The following HS6ST3 variants were observed in gnomAD, a reference collection of about 807,000 sequenced individuals.
HS6ST3 encodes the protein heparan-sulfate 6-O-sulfotransferase 3.
In HS6ST3, 12 loss-of-function variants were observed where a neutral mutation model predicts 36.7. That is an observed-to-expected ratio of 0.33 (90% CI 0.21 to 0.53). The LOEUF is 0.53. HS6ST3 is among the 20% of genes least tolerant of loss of function. The pLI is 0.95. For missense variants in HS6ST3, 584 were observed against 640.9 expected (o/e 0.91, Z 0.96); for synonymous variants, 240 against 257.5 (o/e 0.93, Z 0.65).
In HS6ST3 at chr13:96,391,769, C is replaced by G. The variant is rs1257973981; in HGVS notation, c.707+300200C>G. ...TGAAACCCACACACTATCACAAGAACAGCATGGGAAAGTCCTGCACCCACG... is the reference window on the plus strand; with the variant it reads ...TGAAACCCACACACTATCACAAGAAGAGCATGGGAAAGTCCTGCACCCACG... On this transcript the variant is annotated intron_variant, in intron 1 of 1. Transcript: ENST00000376705. Among the ~76,000 whole-genome samples the G allele has an allele frequency of 2.6e-5, 4 of 152,152 alleles. No individual in the cohort carries two copies. The East Asian group carries it at 7.7e-4, about 29-fold the overall frequency.
intron 1 of HS6ST3, among the ~76,000 whole-genome samples, chr13:96,452,361 A>G (rs964857446): frequency 1.3e-5 from 2 of 152,216 alleles, no homozygotes; most frequent in African/African-American, 4.8e-5. Flanking sequence ...TCTTACTCCA[A>G]GAAATTACAA....
chr13:96,667,248 C>T (rs747343212), intron 1 of HS6ST3, among the ~76,000 whole-genome samples: 1 of 152,168 alleles, frequency 6.6e-6, no homozygotes, highest in Admixed American at 6.6e-5. Context: ...TTTCTATTCT[C>T]TTAATTTCTA....
chr13:96,143,020 GTAAATGCTATTTCATA>G (rs1053016057), intron 1 of HS6ST3, among the ~76,000 whole-genome samples: 2 of 151,972 alleles, frequency 1.3e-5, no homozygotes, highest in Admixed American at 1.3e-4. Flanking sequence ...TTCCTCTAAT[GTAAATGCTATTTCATA>G]TAAAACTCCT....
intron 1 of HS6ST3, among the ~76,000 whole-genome samples, chr13:96,735,879 T>A (rs566226334): frequency 6.6e-6 from 1 of 152,276 alleles, no homozygotes; most frequent in African/African-American, 2.4e-5. Flanking sequence ...TGGAATACTA[T>A]GCAGTCATAA....
At chr13:96,331,170 T>A (rs1388986137) in intron 1 of HS6ST3, among the ~76,000 whole-genome samples, 1 of 152,210 alleles carries the variant, frequency 6.6e-6, no homozygotes, top group African/African-American at 2.4e-5. Context: ...TCTGAAGCCT[T>A]CTCTCAGCTC....
intron 1 of HS6ST3, among the ~76,000 whole-genome samples, chr13:96,766,674 T>C (rs989854144): frequency 3.3e-5 from 5 of 152,222 alleles, no homozygotes; most frequent in Non-Finnish European, 7.3e-5. Flanking sequence ...GAAATATTTC[T>C]GAGGCAACCT....
At chr13:96,209,330 G>A (rs2054387214) in intron 1 of HS6ST3, among the ~76,000 whole-genome samples, 1 of 152,166 alleles carries the variant, frequency 6.6e-6, no homozygotes, top group Non-Finnish European at 1.5e-5. Flanking sequence ...GCTGGATTTT[G>A]TGGAGAAGGT....
chr13:96,728,844 A>G (rs1336080630), intron 1 of HS6ST3, among the ~76,000 whole-genome samples: 2 of 152,198 alleles, frequency 1.3e-5, no homozygotes, highest in East Asian at 1.9e-4. Context: ...CCAACCAAAT[A>G]AAAGACAGAG....
intron 1 of HS6ST3, among the ~76,000 whole-genome samples, chr13:96,578,558 CTTAT>C (rs1157270064): frequency 2.0e-5 from 3 of 151,858 alleles, no homozygotes; most frequent in South Asian, 2.1e-4. Context: ...CTTTTATTTA[CTTAT>C]TTATTTATTT....
intron 1 of HS6ST3, among the ~76,000 whole-genome samples, chr13:96,148,793 A>G (rs1418523737): frequency 3.3e-5 from 5 of 152,216 alleles, no homozygotes; most frequent in African/African-American, 1.2e-4. Flanking sequence ...GGAAATGTCC[A>G]AGAGTAAAGA....
intron 1 of HS6ST3, among the ~76,000 whole-genome samples, chr13:96,630,568 A>G (rs2056528614): frequency 2.6e-5 from 4 of 152,082 alleles, no homozygotes; most frequent in East Asian, 3.9e-4. Flanking sequence ...TCAGCTTTCT[A>G]TAGGGTTCTA....
At chr13:96,219,542 A>G (rs900931568) in intron 1 of HS6ST3, among the ~76,000 whole-genome samples, 25 of 152,204 alleles carry the variant, frequency 1.6e-4, no homozygotes, top group African/African-American at 6.0e-4. Flanking sequence ...TAGAGCTTGC[A>G]TTTCTTGGCA....
At chr13:96,558,946 A>G (rs542576525) in intron 1 of HS6ST3, among the ~76,000 whole-genome samples, 2 of 152,196 alleles carry the variant, frequency 1.3e-5, no homozygotes, top group Non-Finnish European at 2.9e-5. Context: ...AATTTTGGCC[A>G]ACAAAAGATG....
intron 1 of HS6ST3, among the ~76,000 whole-genome samples, chr13:96,102,176 T>C (rs1283243627): frequency 6.6e-6 from 1 of 152,252 alleles, no homozygotes; most frequent in African/African-American, 2.4e-5. Context: ...GATATTTCTA[T>C]CTGTAATATT....
intron 1 of HS6ST3, among the ~76,000 whole-genome samples, chr13:96,502,282 G>A (rs938821205): frequency 2.6e-5 from 4 of 151,346 alleles, no homozygotes; most frequent in Non-Finnish European, 5.9e-5. Flanking sequence ...TGACGGATTT[G>A]ATTTCTACAG....
intron 1 of HS6ST3, among the ~76,000 whole-genome samples, chr13:96,244,572 C>T (rs1162519908): frequency 6.6e-6 from 1 of 152,108 alleles, no homozygotes; most frequent in Admixed American, 6.5e-5. Flanking sequence ...TATCACAATA[C>T]AAAGCAAACT....
intron 1 of HS6ST3, among the ~76,000 whole-genome samples, chr13:96,393,066 T>C (rs1485844840): frequency 6.6e-6 from 1 of 152,126 alleles, no homozygotes; most frequent in East Asian, 1.9e-4. Context: ...TGAGATCTGA[T>C]AGTTTTAAAA....
At chr13:96,576,484 A>C (rs2056321696) in intron 1 of HS6ST3, among the ~76,000 whole-genome samples, 1 of 152,152 alleles carries the variant, frequency 6.6e-6, no homozygotes, top group African/African-American at 2.4e-5. Flanking sequence ...ATAGGTCTAC[A>C]CTCATTACTG....
intron 1 of HS6ST3, among the ~76,000 whole-genome samples, chr13:96,324,258 GA>G (rs1445151727): frequency 6.6e-6 from 1 of 152,146 alleles, no homozygotes; most frequent in Non-Finnish European, 1.5e-5. Flanking sequence ...TTTAAGATAG[GA>G]GTATAAGGTA....
Sources: allele counts gnomAD v4.1 joint callset (sites outside exome capture counted in the v4.1 genomes callset), GRCh38; gene constraint gnomAD v4.1.1; transcripts MANE v1.5; gene names NCBI Gene and HGNC (gene_info 2026-07-23, HGNC 2026-07-21).